RNASEH1: variants seen among roughly 807,000 people sequenced by gnomAD.
The protein encoded by RNASEH1 is ribonuclease H1, also known as ribonuclease H type II.
Under a neutral mutation model 34.6 loss-of-function variants are expected in RNASEH1, and 27 were observed. The ratio of observed to expected loss-of-function variants is 0.78; its 90% confidence interval spans 0.58 to 1.08. The LOEUF is 1.08. Among genes scored for constraint, RNASEH1 ranks in the 50% least tolerant of loss-of-function variants. The pLI is 0.00. For synonymous variants in RNASEH1, 162 were observed against 138.4 expected (o/e 1.17, Z -1.20); for missense variants, 349 against 373.6 (o/e 0.93, Z 0.54).
chr2:3,537,726 A>T (rs1247152263), downstream of RNASEH1, among the ~76,000 whole-genome samples: 7 of 146,876 alleles, frequency 4.8e-5, no homozygotes, highest in Non-Finnish European at 9.1e-5. Flanking sequence ...GTCTCAAAAG[A>T]AAAAAAAAAA....
chr2:3,547,340 C>A (rs1198870506), intron 7 of RNASEH1, among the ~76,000 whole-genome samples: 1 of 152,096 alleles, frequency 6.6e-6, no homozygotes, highest in Non-Finnish European at 1.5e-5. Context: ...CTACCCCTGG[C>A]TAATTTTTTA....
chr2:3,553,229 G>A (rs192143211), intron 2 of RNASEH1, among the ~76,000 whole-genome samples: 1 of 151,206 alleles, frequency 6.6e-6, no homozygotes, highest in Non-Finnish European at 1.5e-5. Context: ...GCCTGGGCGA[G>A]AGAGTGAGAC....
At chr2:3,547,364 C>T (rs568036233) in intron 7 of RNASEH1, among the ~76,000 whole-genome samples, 1 of 152,034 alleles carries the variant, frequency 6.6e-6, no homozygotes, top group Non-Finnish European at 1.5e-5. Context: ...TTTCGAGAAA[C>T]AGAGTCTCCC....
intron 1 of RNASEH1, 170 bp downstream of exon 1, chr2:3,557,963 T>G (rs1455716406): frequency 6.0e-6 from 9 of 1,501,164 alleles, no homozygotes; most frequent in Admixed American, 2.2e-5. Flanking sequence ...ATGAGCCTCC[T>G]GGAACCCCGC....
intron 2 of RNASEH1, among the ~76,000 whole-genome samples, chr2:3,555,233 A>C (rs1006311120): frequency 3.3e-5 from 5 of 151,982 alleles, no homozygotes; most frequent in African/African-American, 7.3e-5. Flanking sequence ...AGAAGTCTCA[A>C]GTTCTATTAA....
chr2:3,533,583 G>C, the RNASEH1 span: 3 of 152,266 alleles, frequency 2.0e-5, no homozygotes, highest in Admixed American at 6.5e-5. Flanking sequence ...CATTTATGGG[G>C]AGAGATACGG....
At chr2:3,541,366 A>G (rs1396676065), downstream of RNASEH1, among the ~76,000 whole-genome samples, 1 of 152,012 alleles carries the variant, frequency 6.6e-6, no homozygotes, top group African/African-American at 2.4e-5. Flanking sequence ...CACACCTGCC[A>G]TATGACCAAG....
downstream of RNASEH1, among the ~76,000 whole-genome samples, chr2:3,540,342 T>G (rs1484845422): frequency 6.6e-6 from 1 of 151,736 alleles, no homozygotes; most frequent in African/African-American, 2.4e-5. Context: ...AATTTAAGAT[T>G]CCTCTTTAAA....
chr2:3,556,491 G>A lies in RNASEH1; in HGVS notation c.244+298C>T, dbSNP rs748289509. Reference sequence around the variant, plus strand: ...CAGCTAATTTTTGTATTTTAGTAGAGATGGAGTTTCATCATGTTGGCCAGG... The same window carrying A: ...CAGCTAATTTTTGTATTTTAGTAGAAATGGAGTTTCATCATGTTGGCCAGG... On this transcript the variant is annotated intron_variant, in intron 2 of 7. Transcript: ENST00000315212. Among the ~76,000 whole-genome samples the A allele has an allele frequency of 3.9e-5, 6 of 151,972 alleles. No homozygotes were observed. The Middle Eastern group carries it at 0.01, about 260-fold the overall frequency.
In RNASEH1 at chr2:3,542,050, C is replaced by G. The variant is rs1359358392; in HGVS notation, c.*3735G>C. Among the ~76,000 whole-genome samples the G allele has an allele frequency of 1.3e-5, 2 of 151,976 alleles. No individual in the cohort carries two copies. Among genetic ancestry groups the G allele is most frequent in the Non-Finnish European group, 2.9e-5 (2 of 67,980 alleles). ...ACAACTTTTAAAACTCAAAAAGAAACAAAGAAAGAGATAAAAGAGATTCAA... is the reference window on the plus strand; with the variant it reads ...ACAACTTTTAAAACTCAAAAAGAAAGAAAGAAAGAGATAAAAGAGATTCAA... On this transcript the variant is annotated 3_prime_UTR_variant, in exon 8 of 8. Coordinates refer to ENST00000315212, the MANE Select transcript of RNASEH1 (RefSeq NM_002936.6).
rs113096837 is a variant in RNASEH1 at position 3,542,904 on chromosome 2, T to C, written c.*2881A>G. 0.018 allele frequency among the ~76,000 whole-genome samples: 2,785 copies of C among 152,168 alleles called. 92 individuals carry two copies. The highest frequency in any genetic ancestry group is 0.062 in the African/African-American group (2,574 of 41,492). ...ATGTTTGTATTTTTTTAAAGCTCCG[T>C]CCAAAAATCTAGAAATAATGACCAA... On this transcript the variant is annotated 3_prime_UTR_variant, in exon 8 of 8. Transcript: ENST00000315212.
chr2:3,540,213 A>G (rs1158934301), downstream of RNASEH1, among the ~76,000 whole-genome samples: 2 of 152,192 alleles, frequency 1.3e-5, no homozygotes, highest in Admixed American at 6.5e-5. Context: ...TTTGATTTGG[A>G]GCTGATGAAG....
rs114898086 is a variant in RNASEH1 at position 3,558,316 on chromosome 2, C to T, written c.-56G>A. 20 of 1,469,908 alleles carry T rather than the reference C, an allele frequency of 1.4e-5. No individual in the cohort carries two copies. Among genetic ancestry groups the T allele is most frequent in the Non-Finnish European group, 1.8e-5 (20 of 1,113,630 alleles). 91.1% of individuals were successfully genotyped at this position (1,469,908 alleles called of 1,614,324 possible). On this transcript the variant is annotated 5_prime_UTR_variant, in exon 1 of 8. Coordinates refer to ENST00000315212, the MANE Select transcript of RNASEH1 (RefSeq NM_002936.6). Reference sequence around the variant, plus strand: ...ACTCCCGGCCCAGCGTGGGCGCGAGCCGCCGGCGCTCAACACCGCACTTCC... The same window carrying T: ...ACTCCCGGCCCAGCGTGGGCGCGAGTCGCCGGCGCTCAACACCGCACTTCC...
At chr2:3,539,424 A>T (rs1456172843), downstream of RNASEH1, among the ~76,000 whole-genome samples, 1 of 152,172 alleles carries the variant, frequency 6.6e-6, no homozygotes, top group African/African-American at 2.4e-5. Context: ...TTTTGATGAA[A>T]GTTGTTCTTT....
rs562705387 is a variant in RNASEH1 at position 3,544,038 on chromosome 2, T to C, written c.*1747A>G. ...TCAAGCATTTATCCTGCCCTTCCTA[T>C]ATGAACTGTACCACTGGGTAACCAG... On this transcript the variant is annotated 3_prime_UTR_variant, in exon 8 of 8. Coordinates refer to ENST00000315212, the MANE Select transcript of RNASEH1 (RefSeq NM_002936.6). Among the ~76,000 whole-genome samples the C allele has an allele frequency of 1.3e-5, 2 of 152,204 alleles. No individual in the cohort carries two copies. The highest frequency in any genetic ancestry group is 2.4e-5 in the African/African-American group (1 of 41,440).
At position 3,550,142 on chromosome 2, in the gene RNASEH1, T is replaced by TAAA. The variant is rs1162099553; in HGVS notation, c.509+228_509+230dup. On this transcript the variant is annotated intron_variant, in intron 4 of 7. Transcript: ENST00000315212. Reference sequence around the variant, plus strand: ...TGGGCAACAGTGTGAGACCGTGTCTTAAAAAAAAAAAAAAAAAAAAAAAAA... The same window carrying TAAA: ...TGGGCAACAGTGTGAGACCGTGTCTTAAAAAAAAAAAAAAAAAAAAAAAAAAAA... 1,067 of 240,598 alleles carry TAAA rather than the reference T, an allele frequency of 4.4e-3. 3 individuals are homozygous for TAAA. Among genetic ancestry groups the TAAA allele is most frequent in the South Asian group, 9.8e-3 (319 of 32,674 alleles). The allele number at this position is 240,598 out of a possible 1,614,324, so 14.9% of individuals were successfully genotyped here.
intron 2 of RNASEH1, 38 bp from the exon 3 acceptor site, chr2:3,552,346 G>A: frequency 6.3e-7 from 1 of 1,586,594 alleles, no homozygotes; most frequent in Non-Finnish European, 8.6e-7. Context: ...TGGAAACAAT[G>A]AACATAACAC....
rs754651500 is a variant in RNASEH1 at position 3,542,069 on chromosome 2, G to A, written c.*3716C>T. On this transcript the variant is annotated 3_prime_UTR_variant, in exon 8 of 8. Coordinates refer to ENST00000315212, the MANE Select transcript of RNASEH1 (RefSeq NM_002936.6). Reference sequence around the variant, plus strand: ...AAGAAACAAAGAAAGAGATAAAAGAGATTCAAGAGACAGTGGCAAACACTG... The same window carrying A: ...AAGAAACAAAGAAAGAGATAAAAGAAATTCAAGAGACAGTGGCAAACACTG... Among the ~76,000 whole-genome samples, 17 of 152,154 alleles carry A rather than the reference G, an allele frequency of 1.1e-4. No homozygotes were observed. The highest frequency in any genetic ancestry group is 5.9e-5 in the Non-Finnish European group (4 of 68,018).
intron 6 of RNASEH1, 51 bp downstream of exon 6, chr2:3,548,589 T>C (rs777346217): frequency 1.6e-6 from 2 of 1,268,590 alleles, no homozygotes; most frequent in South Asian, 2.4e-5. Context: ...TCCTACCAAT[T>C]TCCCTTCACA....
Sources: gnomAD v4.1 joint callset for allele counts (sites outside exome capture counted in the v4.1 genomes callset) on GRCh38, gnomAD v4.1.1 for gene constraint, MANE v1.5 for transcripts, NCBI Gene and HGNC (gene_info 2026-07-23, HGNC 2026-07-21) for gene names.